CHRDL1: variants seen among roughly 807,000 people sequenced by gnomAD.
The protein encoded by CHRDL1 is chordin like 1.
In CHRDL1, 19 loss-of-function variants were observed where a neutral mutation model predicts 40.9. The ratio of observed to expected loss-of-function variants is 0.46; its 90% CI spans 0.32 to 0.68. CHRDL1 has a LOEUF of 0.68. Among genes scored for constraint, CHRDL1 ranks in the 30% least tolerant of loss-of-function variants. The pLI is 0.03. For synonymous variants in CHRDL1, 136 were observed against 123.4 expected, an observed-to-expected ratio of 1.10 and a Z score of -0.68; for missense variants, 329 against 352.1, an observed-to-expected ratio of 0.93 and a Z score of 0.53.
chrX:110,742,814 T>C (rs1385690632), intron 4 of CHRDL1, among the ~76,000 whole-genome samples: 2 of 111,461 alleles, frequency 1.8e-5, no homozygotes, highest in Non-Finnish European at 3.8e-5. Context: ...ATTTGTCAAA[T>C]ATGGGGAGAG....
intron 7 of CHRDL1, among the ~76,000 whole-genome samples, chrX:110,696,773 G>C (rs1337896887): frequency 9.0e-6 from 1 of 111,038 alleles, no homozygotes; most frequent in African/African-American, 3.3e-5. Context: ...AAGTGGTTTG[G>C]GGGAAGGCCT....
intron 1 of CHRDL1, among the ~76,000 whole-genome samples, chrX:110,792,611 AC>A (rs1278233510): frequency 4.5e-5 from 5 of 110,890 alleles, no homozygotes; most frequent in African/African-American, 1.6e-4. Flanking sequence ...CAAGCATGAG[AC>A]CAAGCAATTT....
intron 4 of CHRDL1, among the ~76,000 whole-genome samples, chrX:110,749,971 T>C (rs16986129): frequency 0.025 from 2,768 of 111,765 alleles, 88 homozygotes; most frequent in African/African-American, 0.085. Flanking sequence ...TGTCCTCTGC[T>C]ACAAATAAAG....
At position 110,759,684 on chromosome X, in the gene CHRDL1, TGAG is replaced by T. The variant is rs760389217; in HGVS notation, c.275_277del (p.Pro92del). 1.7e-4 allele frequency: 208 copies of T among 1,199,081 alleles called. No individual in the cohort carries two copies. The highest frequency in any genetic ancestry group is 2.2e-4 in the Non-Finnish European group (198 of 885,576). On this transcript the variant is annotated inframe_deletion, in exon 4 of 12. Transcript: ENST00000372042. ...ACCTGGGCAGCGAGGGCAGCACAGA[TGAG>T]GAATATGCACAGGAGAAAGGCAATG...
At chrX:110,786,598 G>A (rs1464712239) in intron 2 of CHRDL1, among the ~76,000 whole-genome samples, 3 of 111,942 alleles carry the variant, frequency 2.7e-5, no homozygotes, top group East Asian at 2.8e-4. Context: ...AATACCACAC[G>A]GCAAACAAGG....
At chrX:110,726,893 A>G (rs772024804) in intron 4 of CHRDL1, among the ~76,000 whole-genome samples, 4 of 112,233 alleles carry the variant, frequency 3.6e-5, no homozygotes, top group Middle Eastern at 4.6e-3. Flanking sequence ...TATTCATTCA[A>G]CAAGCACTTG....
At position 110,688,804 on chromosome X, in the gene CHRDL1, C is replaced by T; in HGVS notation, c.779-1G>A. 1 of 1,192,028 alleles carries T rather than the reference C, an allele frequency of 8.4e-7. No homozygotes were observed. The highest frequency in any genetic ancestry group is 1.1e-6 in the Non-Finnish European group (1 of 879,354). On this transcript the variant is annotated splice_acceptor_variant, in intron 8 of 11. Coordinates refer to ENST00000372042, the MANE Select transcript of CHRDL1 (RefSeq NM_001143981.2). LOFTEE classifies it high-confidence loss of function. Reference sequence around the variant, plus strand: ...TAGGTCTTTCCATTGGAAACACACACTGAAAGAGAATGCAGAATTAGCAAT... The same window carrying T: ...TAGGTCTTTCCATTGGAAACACACATTGAAAGAGAATGCAGAATTAGCAAT...
intron 6 of CHRDL1, among the ~76,000 whole-genome samples, chrX:110,702,778 T>C (rs1418034493): frequency 8.9e-6 from 1 of 111,884 alleles, no homozygotes; most frequent in Non-Finnish European, 1.9e-5. Context: ...TACTATCTTA[T>C]ATTTCTTATA....
At chrX:110,702,859 A>G (rs998230742) in intron 6 of CHRDL1, among the ~76,000 whole-genome samples, 6 of 111,728 alleles carry the variant, frequency 5.4e-5, no homozygotes, top group Non-Finnish European at 7.5e-5. Context: ...ATTTTTGTCT[A>G]TTGTGTTTAC....
rs746823285 is a variant in CHRDL1, at chrX:110,792,131, C to T, written c.51G>A (p.Leu17=). The T allele has an allele frequency of 8.3e-7, 1 of 1,203,789 alleles. No individual in the cohort carries two copies. Among genetic ancestry groups the T allele is most frequent in the Non-Finnish European group, 1.1e-6 (1 of 889,795 alleles). ...TGCCTCCTTCTAGCAAAAGAAAGAACAACAACGAAAAGATGTATTTCATGC... is the reference window on the plus strand; with the variant it reads ...TGCCTCCTTCTAGCAAAAGAAAGAATAACAACGAAAAGATGTATTTCATGC... ...MGGMKYIFSL[L]FFLLLEGGKT... is the part of the protein sequence containing the mutation. The change falls in exon 2 of 12, where the codon TTG becomes TTA. Residue 17 remains leucine, a synonymous_variant. Coordinates refer to ENST00000372042, the MANE Select transcript of CHRDL1 (RefSeq NM_001143981.2).
intron 5 of CHRDL1, among the ~76,000 whole-genome samples, chrX:110,720,133 G>A (rs1223754287): frequency 9.0e-6 from 1 of 110,922 alleles, no homozygotes; most frequent in Non-Finnish European, 1.9e-5. Context: ...CTAAGCCACA[G>A]AAAAGTTAGC....
intron 6 of CHRDL1, among the ~76,000 whole-genome samples, chrX:110,707,281 G>GA (rs960408061): frequency 4.5e-5 from 5 of 111,597 alleles, no homozygotes; most frequent in African/African-American, 1.3e-4. Flanking sequence ...CACAAAATTA[G>GA]AAAAAACTAC....
rs756330499 is a variant in CHRDL1 at position 110,758,137 on chromosome X, A to C, written c.301+1524T>G. On this transcript the variant is annotated intron_variant, in intron 4 of 11. Coordinates refer to ENST00000372042, the MANE Select transcript of CHRDL1 (RefSeq NM_001143981.2). ...AAACAAAAAACAAAAAAACAAAAAA[A>C]AAAAAAACAAAGAAGCTCTCCAGAG... 5.5e-5 allele frequency among the ~76,000 whole-genome samples: 6 copies of C among 110,008 alleles called. No individual in the cohort carries two copies. The East Asian group carries it at 8.5e-4, about 16-fold the overall frequency.
At chrX:110,766,375 CA>C (rs750712220) in intron 2 of CHRDL1, among the ~76,000 whole-genome samples, 29 of 109,059 alleles carry the variant, frequency 2.7e-4, no homozygotes, top group African/African-American at 6.0e-4. Flanking sequence ...GAAATTGAAA[CA>C]AAAAAAAGAC....
chrX:110,727,321 A>G (rs1418932533), intron 4 of CHRDL1, among the ~76,000 whole-genome samples: 1 of 112,421 alleles, frequency 8.9e-6, no homozygotes, highest in Non-Finnish European at 1.9e-5. Context: ...TGTGAAAAAA[A>G]AAATCCCTTC....
chrX:110,780,348 A>G (rs1206558452), intron 2 of CHRDL1, among the ~76,000 whole-genome samples: 1 of 111,143 alleles, frequency 9.0e-6, no homozygotes, highest in African/African-American at 3.3e-5. Context: ...TTACAAAATT[A>G]ACAGCATATA....
chrX:110,709,077 C>A (rs2070699166), intron 6 of CHRDL1, among the ~76,000 whole-genome samples: 2 of 112,330 alleles, frequency 1.8e-5, no homozygotes, highest in South Asian at 7.5e-4. Flanking sequence ...TGACTTTGGG[C>A]AAATGAATTA....
chrX:110,718,965 T>G (rs760506205), intron 6 of CHRDL1, among the ~76,000 whole-genome samples: 2 of 111,723 alleles, frequency 1.8e-5, no homozygotes, highest in Non-Finnish European at 3.8e-5. Context: ...AAGTATCTTA[T>G]GTAAGGGAAT....
At chrX:110,739,680 C>T (rs1035971117) in intron 4 of CHRDL1, among the ~76,000 whole-genome samples, 5 of 112,298 alleles carry the variant, frequency 4.5e-5, no homozygotes, top group Non-Finnish European at 5.6e-5. Flanking sequence ...ATGGGCTTAT[C>T]CCAACTAATT....
Sources: allele counts gnomAD v4.1 joint callset (sites outside exome capture counted in the v4.1 genomes callset), GRCh38; gene constraint gnomAD v4.1.1; transcripts MANE v1.5; gene names NCBI Gene and HGNC (gene_info 2026-07-23, HGNC 2026-07-21).